The following CTNNA3 variants were observed in gnomAD, a reference collection of about 807,000 sequenced individuals.
The protein encoded by CTNNA3 is catenin alpha 3, also known as catenin alpha-3.
A neutral mutation model predicts 95.7 loss-of-function variants in CTNNA3; 76 were observed. The ratio of observed to expected loss-of-function variants is 0.79; its 90% CI spans 0.66 to 0.96. CTNNA3 has a LOEUF of 0.96. Among genes scored for constraint, CTNNA3 ranks in the 40% least tolerant of loss-of-function variants. CTNNA3 has a pLI of 0.00. For missense variants in CTNNA3, 1,191 were observed against 1,089.8 expected, an observed-to-expected ratio of 1.09 and a Z score of -1.31; for synonymous variants, 431 against 374.4, an observed-to-expected ratio of 1.15 and a Z score of -1.74.
At chr10:66,553,523 T>TC (rs1445751130) in intron 10 of CTNNA3, among the ~76,000 whole-genome samples, 1 of 117,222 alleles carries the variant, frequency 8.5e-6, no homozygotes, top group Non-Finnish European at 1.8e-5. Context: ...TTTTCTTTTT[T>TC]TTTTTTTTTT....
intron 3 of CTNNA3, among the ~76,000 whole-genome samples, chr10:67,594,521 G>A (rs1246607696): frequency 1.3e-5 from 2 of 151,860 alleles, no homozygotes. Flanking sequence ...TTTCTTCTAG[G>A]TTTTCTAGTT....
chr10:67,260,185 G>C (rs962612681), intron 5 of CTNNA3, among the ~76,000 whole-genome samples: 1 of 152,176 alleles, frequency 6.6e-6, no homozygotes, highest in African/African-American at 2.4e-5. Flanking sequence ...CAGAGGTTAG[G>C]TGTTTCTCAT....
chr10:66,903,077 A>T (rs534750289), intron 7 of CTNNA3, among the ~76,000 whole-genome samples: 1,672 of 152,312 alleles, frequency 0.011, 17 homozygotes, highest in Non-Finnish European at 0.019. Context: ...ACAACAAAAA[A>T]AGAGAATTTT....
chr10:66,099,048 G>A (rs184616268), intron 14 of CTNNA3, among the ~76,000 whole-genome samples: 3 of 152,282 alleles, frequency 2.0e-5, no homozygotes, highest in Admixed American at 2.0e-4. Flanking sequence ...AATACAGAAA[G>A]TAAAATGATA....
intron 9 of CTNNA3, among the ~76,000 whole-genome samples, chr10:66,747,933 T>A (rs535242883): frequency 2.4e-4 from 36 of 152,302 alleles, no homozygotes; most frequent in African/African-American, 7.0e-4. Context: ...TTTTCTCCAC[T>A]GGCACCAACT....
intron 11 of CTNNA3, among the ~76,000 whole-genome samples, chr10:66,424,031 A>G (rs1363633884): frequency 6.6e-6 from 1 of 152,092 alleles, no homozygotes; most frequent in East Asian, 1.9e-4. Flanking sequence ...TATTAAGTAT[A>G]TTTATTTAAG....
At chr10:67,686,042 G>A (rs1395127502) in intron 1 of CTNNA3, among the ~76,000 whole-genome samples, 1 of 151,802 alleles carries the variant, frequency 6.6e-6, no homozygotes, top group African/African-American at 2.4e-5. Context: ...TACTCCTTGG[G>A]TTTTTGCATT....
At chr10:67,004,068 T>C (rs2133000166) in intron 7 of CTNNA3, among the ~76,000 whole-genome samples, 1 of 151,868 alleles carries the variant, frequency 6.6e-6, no homozygotes, top group East Asian at 1.9e-4. Flanking sequence ...CTAACATAAA[T>C]AACTTACCTG....
At chr10:66,474,679 C>G (rs893335205) in intron 11 of CTNNA3, among the ~76,000 whole-genome samples, 1 of 151,912 alleles carries the variant, frequency 6.6e-6, no homozygotes, top group African/African-American at 2.4e-5. Context: ...TGTAAGTGTT[C>G]TCCTTTCTCT....
chr10:66,776,785 A>G (rs991234355), intron 7 of CTNNA3, among the ~76,000 whole-genome samples: 4 of 152,134 alleles, frequency 2.6e-5, no homozygotes, highest in African/African-American at 9.7e-5. Flanking sequence ...TCCTTTTTCC[A>G]ACAGCATTTT....
At chr10:66,208,576 T>C (rs2087916770) in intron 13 of CTNNA3, among the ~76,000 whole-genome samples, 1 of 151,838 alleles carries the variant, frequency 6.6e-6, no homozygotes, top group African/African-American at 2.4e-5. Context: ...CAAAATAGTT[T>C]GAGAAAGAAA....
At chr10:67,147,638 G>A (rs1415151230) in intron 7 of CTNNA3, among the ~76,000 whole-genome samples, 1 of 152,138 alleles carries the variant, frequency 6.6e-6, no homozygotes, top group Non-Finnish European at 1.5e-5. Flanking sequence ...CTGGTCTTCA[G>A]TACACGTGTA....
At chr10:67,435,018 T>C (rs1354248574) in intron 5 of CTNNA3, among the ~76,000 whole-genome samples, 1 of 152,088 alleles carries the variant, frequency 6.6e-6, no homozygotes, top group East Asian at 1.9e-4. Context: ...TGTTCCGATA[T>C]ATTGCTATAG....
chr10:66,048,341 T>A lies in CTNNA3; in HGVS notation c.2159+20967A>T, dbSNP rs190399200. The stretch of plus-strand genomic sequence containing the variant: ...AAGCTGCACATCTACAACCATCTGA[T>A]CTTTGACAAAGCTGACAAAAATAAG... On this transcript the variant is annotated intron_variant, in intron 15 of 17. Coordinates refer to ENST00000433211, the MANE Select transcript of CTNNA3 (RefSeq NM_013266.4). 2.1e-3 allele frequency among the ~76,000 whole-genome samples: 320 copies of A among 152,292 alleles called. 5 individuals are homozygous for A. Among genetic ancestry groups the A allele is most frequent in the Admixed American group, 0.019 (298 of 15,292 alleles).
At chr10:66,956,396 T>C (rs1848794783) in intron 7 of CTNNA3, among the ~76,000 whole-genome samples, 1 of 152,032 alleles carries the variant, frequency 6.6e-6, no homozygotes, top group South Asian at 2.1e-4. Context: ...GCTATCTTGT[T>C]AATGTATTGA....
intron 14 of CTNNA3, among the ~76,000 whole-genome samples, chr10:66,089,935 C>A (rs369196218): frequency 6.6e-6 from 1 of 151,860 alleles, no homozygotes; most frequent in East Asian, 1.9e-4. Flanking sequence ...AAATGAAATC[C>A]TTTTTCCTTA....
intron 12 of CTNNA3, among the ~76,000 whole-genome samples, chr10:66,314,446 A>G (rs1403852069): frequency 2.7e-5 from 4 of 150,552 alleles, no homozygotes; most frequent in Non-Finnish European, 6.0e-5. Context: ...TTATGCTCTC[A>G]TTGACCATCA....
chr10:67,307,005 CA>C (rs1022839552), intron 5 of CTNNA3, among the ~76,000 whole-genome samples: 72 of 152,024 alleles, frequency 4.7e-4, no homozygotes, highest in African/African-American at 1.6e-3. Flanking sequence ...AAGGAAGATA[CA>C]AAAAAATGTA....
intron 13 of CTNNA3, among the ~76,000 whole-genome samples, chr10:66,178,440 T>TATATATATACACATATATATATATACAC (rs1231414006): frequency 9.5e-6 from 1 of 105,766 alleles, no homozygotes; most frequent in Non-Finnish European, 1.9e-5. Flanking sequence ...TATATATATA[T>TATATATATACACATATATATATATACAC]ATACACACAC....
Sources: allele counts gnomAD v4.1 joint callset (sites outside exome capture counted in the v4.1 genomes callset), GRCh38; gene constraint gnomAD v4.1.1; transcripts MANE v1.5; gene names NCBI Gene and HGNC (gene_info 2026-07-23, HGNC 2026-07-21).